The following TMEM135 variants were observed in gnomAD, a reference collection of about 807,000 sequenced individuals.
The protein encoded by TMEM135 is transmembrane protein 135.
In TMEM135, 30 loss-of-function variants were observed where a neutral mutation model predicts 60.3. The observed-to-expected ratio is 0.50, with a 90% CI of 0.37 to 0.68. The LOEUF (loss-of-function observed/expected upper bound fraction) is 0.68. Ranked by LOEUF, TMEM135 falls within the 30% of genes least tolerant of loss-of-function variation. The probability of loss-of-function intolerance (pLI) is 0.00; values close to 1 mark genes in which losing one functional copy is unlikely to be tolerated. For missense variants in TMEM135, 468 were observed against 548.8 expected (o/e 0.85, Z 1.47); for synonymous variants, 190 against 186.7 (o/e 1.02, Z -0.14).
intron 5 of TMEM135, among the ~76,000 whole-genome samples, chr11:87,235,496 G>T (rs2135372502): frequency 6.6e-6 from 1 of 152,034 alleles, no homozygotes; most frequent in Admixed American, 6.6e-5. Context: ...TGTCAAGCTT[G>T]ATTTGTAATG....
chr11:87,071,705 A>T, intron 3 of TMEM135, 90 bp downstream of exon 3: 1 of 811,876 alleles, frequency 1.2e-6, no homozygotes, highest in Non-Finnish European at 2.0e-6. Flanking sequence ...ACTTACAGGG[A>T]TGAGAAATAT....
At chr11:87,193,934 AG>A (rs1371677979) in intron 5 of TMEM135, among the ~76,000 whole-genome samples, 1 of 151,940 alleles carries the variant, frequency 6.6e-6, no homozygotes, top group African/African-American at 2.4e-5. Context: ...ACTGTGATAA[AG>A]AATTTTTGTG....
At chr11:87,282,545 C>T (rs1412084161) in intron 6 of TMEM135, among the ~76,000 whole-genome samples, 2 of 152,318 alleles carry the variant, frequency 1.3e-5, no homozygotes, top group Middle Eastern at 3.4e-3. Context: ...GGATTACAGG[C>T]GTGAGCCACC....
At chr11:87,224,118 G>A (rs1940714028) in intron 5 of TMEM135, among the ~76,000 whole-genome samples, 1 of 152,186 alleles carries the variant, frequency 6.6e-6, no homozygotes, top group Admixed American at 6.5e-5. Flanking sequence ...GTGTTACTCT[G>A]TTATACTAAT....
In TMEM135 at chr11:87,326,457, A is replaced by C; in HGVS notation, c.*5124A>C. 1 of 453,970 alleles carries C rather than the reference A, an allele frequency of 2.2e-6. No homozygotes were observed. Among genetic ancestry groups the C allele is most frequent in the Non-Finnish European group, 4.4e-6 (1 of 226,758 alleles). The allele number at this position is 453,970 out of a possible 1,614,324, so 28.1% of individuals were successfully genotyped here. On this transcript the variant is annotated 3_prime_UTR_variant, in exon 15 of 15. Coordinates refer to ENST00000305494, the MANE Select transcript of TMEM135 (RefSeq NM_022918.4). ...TCTCTTAAATTAATTTTCTTTTCAG[A>C]TTATTTTTGGTCACCTAAGAGGACC...
At chr11:87,297,655 C>T (rs11235085) in intron 7 of TMEM135, among the ~76,000 whole-genome samples, 49,048 of 152,056 alleles carry the variant, frequency 0.32, 9,477 homozygotes, top group Non-Finnish European at 0.44. Context: ...TCTTCAAATC[C>T]ACTTTTAACA....
chr11:87,231,943 G>C (rs1031303774), intron 5 of TMEM135, among the ~76,000 whole-genome samples: 1 of 150,038 alleles, frequency 6.7e-6, no homozygotes, highest in African/African-American at 2.5e-5. Flanking sequence ...GAAACATAGA[G>C]AGAAAAGAGA....
At chr11:87,056,545 C>T (rs1250929348) in intron 1 of TMEM135, among the ~76,000 whole-genome samples, 1 of 152,160 alleles carries the variant, frequency 6.6e-6, no homozygotes, top group Non-Finnish European at 1.5e-5. Context: ...ATTTTATGTC[C>T]ATCAAATGGT....
chr11:87,136,482 T>G (rs1938104014), intron 4 of TMEM135, among the ~76,000 whole-genome samples: 1 of 152,066 alleles, frequency 6.6e-6, no homozygotes, highest in African/African-American at 2.4e-5. Flanking sequence ...CTGCATTTAG[T>G]TTTGCTGCCT....
At chr11:87,143,169 G>T (rs953665524) in intron 4 of TMEM135, among the ~76,000 whole-genome samples, 1 of 151,724 alleles carries the variant, frequency 6.6e-6, no homozygotes, top group African/African-American at 2.4e-5. Flanking sequence ...TTAGTTCTTT[G>T]TTATACTTTC....
chr11:87,060,984 C>A (rs1408574610), intron 1 of TMEM135, among the ~76,000 whole-genome samples: 3 of 151,938 alleles, frequency 2.0e-5, no homozygotes, highest in Non-Finnish European at 2.9e-5. Flanking sequence ...TAAAATCATG[C>A]CCATTAAAAT....
intron 4 of TMEM135, among the ~76,000 whole-genome samples, chr11:87,122,076 G>T (rs372046591): frequency 6.6e-5 from 10 of 152,282 alleles, no homozygotes; most frequent in African/African-American, 2.4e-4. Flanking sequence ...AGATTGGAGG[G>T]TGTCAATCTA....
chr11:87,157,515 A>G, intron 5 of TMEM135, 109 bp downstream of exon 5: 3 of 934,176 alleles, frequency 3.2e-6, no homozygotes, highest in Middle Eastern at 2.7e-4. Flanking sequence ...ATAGAGAGAT[A>G]TCTGATGTAT....
chr11:87,117,028 G>C (rs1377224426), intron 4 of TMEM135, among the ~76,000 whole-genome samples: 1 of 151,930 alleles, frequency 6.6e-6, no homozygotes, highest in African/African-American at 2.4e-5. Context: ...TCACCATGTT[G>C]GTCAGGCTGG....
chr11:87,231,733 G>T (rs901789775), intron 5 of TMEM135, among the ~76,000 whole-genome samples: 4 of 151,996 alleles, frequency 2.6e-5, no homozygotes, highest in African/African-American at 9.7e-5. Flanking sequence ...ACATTAAAAA[G>T]AGTTATCATA....
At chr11:87,137,603 G>T (rs940279752) in intron 4 of TMEM135, among the ~76,000 whole-genome samples, 1 of 152,046 alleles carries the variant, frequency 6.6e-6, no homozygotes. Flanking sequence ...AGAAAGTTCA[G>T]CTCTGATAGG....
intron 6 of TMEM135, among the ~76,000 whole-genome samples, chr11:87,243,240 GT>G (rs1941182150): frequency 7.5e-6 from 1 of 132,972 alleles, no homozygotes; most frequent in Admixed American, 7.4e-5. Context: ...GTACCATGCT[GT>G]TTTGGTTACT....
intron 5 of TMEM135, among the ~76,000 whole-genome samples, chr11:87,201,419 A>G (rs1201431905): frequency 6.6e-6 from 1 of 152,202 alleles, no homozygotes; most frequent in Non-Finnish European, 1.5e-5. Flanking sequence ...CTGTTTCACT[A>G]AAGTTTTAAC....
intron 5 of TMEM135, among the ~76,000 whole-genome samples, chr11:87,234,128 T>C (rs1007999334): frequency 2.3e-4 from 35 of 152,072 alleles, no homozygotes; most frequent in African/African-American, 8.0e-4. Flanking sequence ...TCTATGCATA[T>C]GGTCCTCTGG....
Sources: allele counts gnomAD v4.1 joint callset (sites outside exome capture counted in the v4.1 genomes callset), GRCh38; gene constraint gnomAD v4.1.1; transcripts MANE v1.5; gene names NCBI Gene and HGNC (gene_info 2026-07-23, HGNC 2026-07-21).